The following TMEM51 variants were observed in gnomAD, a reference collection of about 807,000 sequenced individuals.
TMEM51 encodes transmembrane protein 51.
TMEM51 carries 8 observed loss-of-function variants against 13.6 expected under a neutral mutation model. The ratio of observed to expected loss-of-function variants is 0.59; its 90% confidence interval spans 0.35 to 1.07. The LOEUF is 1.07. Among genes scored for constraint, TMEM51 ranks in the 50% least tolerant of loss-of-function variants. The pLI, the probability that TMEM51 is intolerant of heterozygous loss-of-function variation, is 0.02. For missense variants in TMEM51, 279 were observed against 330.7 expected, an observed-to-expected ratio of 0.84 and a Z score of 1.21; for synonymous variants, 147 against 144.4, an observed-to-expected ratio of 1.02 and a Z score of -0.13.
intron 1 of TMEM51, among the ~76,000 whole-genome samples, chr1:15,159,907 C>G (rs956622025): frequency 6.6e-6 from 1 of 152,172 alleles, no homozygotes; most frequent in African/African-American, 2.4e-5. Flanking sequence ...GCCTGAGAGG[C>G]CTTTGAGATG....
chr1:15,206,080 C>A (rs767709791), intron 1 of TMEM51, among the ~76,000 whole-genome samples: 2 of 151,938 alleles, frequency 1.3e-5, no homozygotes, highest in Non-Finnish European at 2.9e-5. Context: ...CTACAAAAGA[C>A]GCAAAAAATA....
At chr1:15,185,723 G>A (rs1270667909) in intron 1 of TMEM51, among the ~76,000 whole-genome samples, 30 of 152,218 alleles carry the variant, frequency 2.0e-4, no homozygotes, top group Admixed American at 1.9e-3. Context: ...CTGTGAACTT[G>A]AATTCTGTAG....
At chr1:15,160,479 G>A (rs1338429252) in intron 1 of TMEM51, among the ~76,000 whole-genome samples, 5 of 151,954 alleles carry the variant, frequency 3.3e-5, no homozygotes, top group African/African-American at 1.2e-4. Context: ...TCACCATGTT[G>A]GCCAAGCTGG....
intron 1 of TMEM51, among the ~76,000 whole-genome samples, chr1:15,193,250 C>T (rs866869607): frequency 5.3e-5 from 8 of 152,346 alleles, no homozygotes; most frequent in Non-Finnish European, 1.0e-4. Flanking sequence ...CACCAGCTGC[C>T]GGCCCTAGGC....
intron 1 of TMEM51, among the ~76,000 whole-genome samples, chr1:15,191,610 C>T (rs1490529281): frequency 6.6e-6 from 1 of 152,214 alleles, no homozygotes; most frequent in Non-Finnish European, 1.5e-5. Flanking sequence ...CCCAAAGCCT[C>T]ACTTTAATAA....
chr1:15,199,172 G>A (rs571546914), intron 1 of TMEM51, among the ~76,000 whole-genome samples: 163 of 146,620 alleles, frequency 1.1e-3, no homozygotes, highest in Admixed American at 3.5e-3. Flanking sequence ...CACTCTTGTT[G>A]CCCAGGCTGG....
chr1:15,170,885 C>T (rs146862989), intron 1 of TMEM51, among the ~76,000 whole-genome samples: 183 of 152,226 alleles, frequency 1.2e-3, no homozygotes, highest in Middle Eastern at 6.8e-3. Context: ...CCCTCCACCA[C>T]GCCTGGCTAA....
At chr1:15,173,329 C>G (rs56808935) in intron 1 of TMEM51, among the ~76,000 whole-genome samples, 3,030 of 151,530 alleles carry the variant, frequency 0.02, 109 homozygotes, top group African/African-American at 0.07. Flanking sequence ...AAGCGATTCT[C>G]CCGCCTCAGC....
chr1:15,168,678 G>C (rs1209164309), intron 1 of TMEM51: 2 of 1,304,270 alleles, frequency 1.5e-6, no homozygotes, highest in Non-Finnish European at 2.0e-6. Flanking sequence ...TCTGTTGGTA[G>C]CTTAGAACAC....
chr1:15,176,006 T>G (rs80324675), intron 1 of TMEM51, among the ~76,000 whole-genome samples: 19,427 of 152,302 alleles, frequency 0.13, 1,609 homozygotes, highest in South Asian at 0.18. Context: ...GAACCCATCT[T>G]CCACCTTGAC....
chr1:15,186,140 T>G (rs1307101899), intron 1 of TMEM51, among the ~76,000 whole-genome samples: 1 of 152,078 alleles, frequency 6.6e-6, no homozygotes, highest in Non-Finnish European at 1.5e-5. Flanking sequence ...GAAGGCACCC[T>G]GGGAAGCCTC....
intron 1 of TMEM51, among the ~76,000 whole-genome samples, chr1:15,159,608 C>G (rs112906601): frequency 0.01 from 1,582 of 152,238 alleles, 31 homozygotes; most frequent in African/African-American, 0.036. Flanking sequence ...CCAGGCTGGA[C>G]TGCAGTGGTG....
At chr1:15,198,352 C>T (rs115080410) in intron 1 of TMEM51, among the ~76,000 whole-genome samples, 2,110 of 152,268 alleles carry the variant, frequency 0.014, 57 homozygotes, top group African/African-American at 0.049. Context: ...CACGGAAAGC[C>T]GAGCATCAGC....
chr1:15,189,576 T>C (rs1390414562), intron 1 of TMEM51, among the ~76,000 whole-genome samples: 3 of 152,166 alleles, frequency 2.0e-5, no homozygotes, highest in Admixed American at 6.5e-5. Context: ...CACTCACTGA[T>C]CTACCAGAGG....
intron 1 of TMEM51, among the ~76,000 whole-genome samples, chr1:15,193,793 G>C (rs1052339796): frequency 2.0e-5 from 3 of 152,142 alleles, no homozygotes; most frequent in Non-Finnish European, 4.4e-5. Flanking sequence ...CTGACCTCAG[G>C]TGATCCAACT....
At chr1:15,192,342 C>T (rs1643940389) in intron 1 of TMEM51, 4 of 377,716 alleles carry the variant, frequency 1.1e-5, no homozygotes, top group South Asian at 5.1e-5. Context: ...TTTCTTACAA[C>T]ACCAACCCTC....
At chr1:15,159,062 C>T (rs1642682730) in intron 1 of TMEM51, among the ~76,000 whole-genome samples, 1 of 152,144 alleles carries the variant, frequency 6.6e-6, no homozygotes, top group African/African-American at 2.4e-5. Flanking sequence ...TGGATGGGTC[C>T]TAGAAGCAAC....
intron 1 of TMEM51, chr1:15,164,548 G>A: frequency 4.5e-6 from 2 of 448,442 alleles, no homozygotes; most frequent in South Asian, 3.1e-5. Flanking sequence ...ATCAGCCTTG[G>A]TCACTTGGTT....
intron 1 of TMEM51, among the ~76,000 whole-genome samples, chr1:15,158,863 A>G (rs1383810992): frequency 6.6e-6 from 1 of 152,208 alleles, no homozygotes; most frequent in Non-Finnish European, 1.5e-5. Flanking sequence ...TGGATTTTTA[A>G]AAGTGAAGTA....
Sources: gnomAD v4.1 joint callset for allele counts (sites outside exome capture counted in the v4.1 genomes callset) on GRCh38, gnomAD v4.1.1 for gene constraint, MANE v1.5 for transcripts, NCBI Gene and HGNC (gene_info 2026-07-23, HGNC 2026-07-21) for gene names.